Variants in MAPKBP1 observed in about 807,000 individuals in gnomAD.
MAPKBP1 encodes mitogen-activated protein kinase-binding protein 1.
MAPKBP1 carries 71 observed loss-of-function variants against 170.5 expected under a neutral mutation model. The observed-to-expected ratio is 0.42, with a 90% CI of 0.34 to 0.51. The LOEUF is 0.51. MAPKBP1 is among the 20% of genes least tolerant of loss of function. MAPKBP1 has a pLI of 0.06. For synonymous variants in MAPKBP1, 719 were observed against 757.9 expected, an observed-to-expected ratio of 0.95 and a Z score of 0.84; for missense variants, 1,598 against 1,933.0, an observed-to-expected ratio of 0.83 and a Z score of 3.25.
In MAPKBP1 at chr15:41,822,214, C is replaced by G. The variant is rs981989433; in HGVS notation, c.3032-11C>G. ...TGCAGTGCGATGCCTCTCTCCCCTC[C>G]CCACACCCAGACTCTGAGAGCACGG... is the stretch of plus-strand genomic sequence containing the variant. On this transcript the variant is annotated splice_polypyrimidine_tract_variant and intron_variant, in intron 25 of 30. Transcript: ENST00000457542. 23 of 1,609,618 alleles carry G rather than the reference C, an allele frequency of 1.4e-5. No individual in the cohort carries two copies. The Admixed American group carries it at 2.8e-4, about 20-fold the overall frequency.
intron 2 of MAPKBP1, among the ~76,000 whole-genome samples, chr15:41,781,183 C>G (rs769904503): frequency 6.6e-6 from 1 of 151,450 alleles, no homozygotes; most frequent in Non-Finnish European, 1.5e-5. Context: ...TCAAGTGATT[C>G]TCTTGCCTCA....
chr15:41,790,959 C>T (rs985388951), intron 2 of MAPKBP1, among the ~76,000 whole-genome samples: 2 of 152,128 alleles, frequency 1.3e-5, no homozygotes, highest in African/African-American at 2.4e-5. Flanking sequence ...GTGGCTTTTG[C>T]GTTAAGTGGC....
At chr15:41,781,062 T>A (rs533537016) in intron 2 of MAPKBP1, among the ~76,000 whole-genome samples, 1 of 96,832 alleles carries the variant, frequency 1.0e-5, no homozygotes, top group South Asian at 4.4e-4. Flanking sequence ...ATGCTTTTTT[T>A]TTGCTTTTTT....
chr15:41,791,140 C>A (rs993734321), intron 2 of MAPKBP1, among the ~76,000 whole-genome samples: 1 of 151,860 alleles, frequency 6.6e-6, no homozygotes, highest in Admixed American at 6.6e-5. Context: ...CATGGTTTGG[C>A]TGGAATGACT....
At chr15:41,812,454 A>AGT in intron 6 of MAPKBP1, 62 bp from the exon 7 acceptor site, 1 of 1,600,688 alleles carries the variant, frequency 6.2e-7, no homozygotes, top group Non-Finnish European at 8.6e-7. Context: ...CCATTCTCTG[A>AGT]GTCACTGTCT....
At chr15:41,792,146 G>T (rs1260698872) in intron 2 of MAPKBP1, among the ~76,000 whole-genome samples, 1 of 150,484 alleles carries the variant, frequency 6.6e-6, no homozygotes, top group Non-Finnish European at 1.5e-5. Flanking sequence ...TACGCCACCT[G>T]TTTTTTCCAT....
At position 41,826,555 on chromosome 15, in the gene MAPKBP1, C is replaced by CT. The variant is rs2065100174; in HGVS notation, c.*1120dup. 6.6e-6 allele frequency: 1 copy of CT among 151,918 alleles called. No individual in the cohort carries two copies. Among genetic ancestry groups the CT allele is most frequent in the Admixed American group, 6.6e-5 (1 of 15,222 alleles). 9.4% of individuals were successfully genotyped at this position (151,918 alleles called of 1,614,324 possible). ...GGGAGCAGAAAAGGGGTGCAGTACA[C>CT]TAAGTGAACCCAGATTCTGGATTCT... On this transcript the variant is annotated 3_prime_UTR_variant, in exon 31 of 31. Coordinates refer to ENST00000457542, the MANE Select transcript of MAPKBP1 (RefSeq NM_014994.3).
intron 3 of MAPKBP1, among the ~76,000 whole-genome samples, chr15:41,810,256 G>A (rs1596084827): frequency 6.6e-6 from 1 of 152,216 alleles, no homozygotes; most frequent in African/African-American, 2.4e-5. Flanking sequence ...CAAGGGCTGC[G>A]GGATGGCCTG....
At chr15:41,815,502 C>T in intron 11 of MAPKBP1, 97 bp downstream of exon 11, 7 of 1,555,764 alleles carry the variant, frequency 4.5e-6, no homozygotes, top group Non-Finnish European at 6.1e-6. Flanking sequence ...TAGGCCTTGG[C>T]CTTCCAGCCT....
intron 30 of MAPKBP1, chr15:41,824,967 C>T: frequency 2.0e-6 from 1 of 492,292 alleles, no homozygotes; most frequent in Non-Finnish European, 3.6e-6. Flanking sequence ...GCAGATTCTG[C>T]CGGAGTTGTC....
rs1555446010 is a variant in MAPKBP1, at chr15:41,774,617, C to T, written c.-110+7C>T. The T allele has an allele frequency of 1.0e-5, 4 of 398,752 alleles. No individual in the cohort carries two copies. Among genetic ancestry groups the T allele is most frequent in the South Asian group, 2.5e-4 (2 of 7,876 alleles). 24.7% of individuals were successfully genotyped at this position (398,752 alleles called of 1,614,324 possible). A position where few individuals can be genotyped will look rare whatever the true frequency, so the allele number is the denominator to read the frequency against. ...CCTTAGCTCGCCGAGGCTGGTGAGG[C>T]TGGGCCCGAACGGGGGCGCTGACGA... On this transcript the variant is annotated splice_region_variant and intron_variant, in intron 1 of 30. Transcript: ENST00000457542.
intron 3 of MAPKBP1, among the ~76,000 whole-genome samples, chr15:41,806,219 A>C (rs1029559344): frequency 6.6e-6 from 1 of 152,174 alleles, no homozygotes; most frequent in Non-Finnish European, 1.5e-5. Flanking sequence ...TTACAAATTG[A>C]TGTGTGCTTT....
intron 2 of MAPKBP1, among the ~76,000 whole-genome samples, chr15:41,778,952 A>C (rs576535770): frequency 6.6e-6 from 1 of 152,342 alleles, no homozygotes; most frequent in East Asian, 1.9e-4. Flanking sequence ...GATCTAGGTT[A>C]TATTATTCCT....
intron 2 of MAPKBP1, among the ~76,000 whole-genome samples, chr15:41,791,010 G>C (rs1399150445): frequency 6.6e-6 from 1 of 152,218 alleles, no homozygotes; most frequent in Non-Finnish European, 1.5e-5. Flanking sequence ...TGTGAGATTA[G>C]AGTGTAGTGT....
intron 2 of MAPKBP1, among the ~76,000 whole-genome samples, chr15:41,792,672 GAC>G (rs879704315): frequency 9.2e-5 from 14 of 152,228 alleles, no homozygotes; most frequent in Admixed American, 7.2e-4. Flanking sequence ...TCACTGCCCA[GAC>G]ACAGTTGCCT....
Position 41,819,618 on chromosome 15 carries a change from C to T in MAPKBP1, c.2449C>T (p.Pro817Ser), listed in dbSNP as rs1382202662. ...AGCCTCGGTCCCCAGCCCAGCTTTG[C>T]CCCGAAGCCTGTCCCACTGGGAGAT... ...ALASVPSPAL[P>S]RSLSHWEMSR... Residue 817 changes from proline (P) to serine (S), a missense_variant, in exon 22 of 31, where the codon CCC becomes TCC. Pro to Ser is a moderately conservative substitution (Grantham distance 74). Transcript: ENST00000457542. 1.2e-6 allele frequency: 2 copies of T among 1,611,928 alleles called. No individual in the cohort carries two copies. The highest frequency in any genetic ancestry group is 1.7e-6 in the Non-Finnish European group (2 of 1,179,320).
At chr15:41,802,372 G>A (rs1348831152) in intron 3 of MAPKBP1, among the ~76,000 whole-genome samples, 2 of 152,168 alleles carry the variant, frequency 1.3e-5, no homozygotes, top group Middle Eastern at 3.4e-3. Context: ...CTAACTTACT[G>A]TAACTTTCTT....
At chr15:41,795,563 G>T (rs1339460986) in intron 2 of MAPKBP1, among the ~76,000 whole-genome samples, 1 of 152,036 alleles carries the variant, frequency 6.6e-6, no homozygotes, top group African/African-American at 2.4e-5. Context: ...TGGGCAAAAT[G>T]ATGACATGAT....
rs187349014 is a variant in MAPKBP1 at position 41,779,408 on chromosome 15, A to G, written c.114+4019A>G. Among the ~76,000 whole-genome samples, 697 of 152,170 alleles carry G rather than the reference A, an allele frequency of 4.6e-3. 4 individuals are homozygous for G. Among genetic ancestry groups the G allele is most frequent in the Non-Finnish European group, 8.3e-3 (563 of 68,022 alleles). ...TTATTTTTAGTAGAAACGGTGTTTC[A>G]CCATGTTGGTCAGGCTGGTCTCAAA... On this transcript the variant is annotated intron_variant, in intron 2 of 30. Coordinates refer to ENST00000457542, the MANE Select transcript of MAPKBP1 (RefSeq NM_014994.3).
Sources: gnomAD v4.1 joint callset for allele counts (sites outside exome capture counted in the v4.1 genomes callset) on GRCh38, gnomAD v4.1.1 for gene constraint, MANE v1.5 for transcripts, NCBI Gene and HGNC (gene_info 2026-07-23, HGNC 2026-07-21) for gene names.